Variants in CALCRL observed in about 807,000 individuals in gnomAD.
CALCRL encodes the protein calcitonin gene-related peptide type 1 receptor.
Under a neutral mutation model 60.4 loss-of-function variants are expected in CALCRL, and 27 were observed. The ratio of observed to expected loss-of-function variants is 0.45; its 90% CI spans 0.33 to 0.62. The LOEUF is 0.62. Ranked by LOEUF, CALCRL falls within the 20% of genes least tolerant of loss-of-function variation. The probability of loss-of-function intolerance (pLI) is 0.03; values close to 1 mark genes in which losing one functional copy is unlikely to be tolerated. For synonymous variants in CALCRL, 190 were observed against 182.6 expected, an observed-to-expected ratio of 1.04 and a Z score of -0.33; for missense variants, 424 against 540.7, an observed-to-expected ratio of 0.78 and a Z score of 2.14.
intron 1 of CALCRL, among the ~76,000 whole-genome samples, chr2:187,391,810 T>TA (rs1688459053): frequency 6.6e-6 from 1 of 152,010 alleles, no homozygotes; most frequent in South Asian, 2.1e-4. Context: ...CTGTGAAAAA[T>TA]AAAAATGTCT....
In CALCRL at chr2:187,398,423, A is replaced by G. The variant is rs369183760; in HGVS notation, c.-292-10667T>C. On this transcript the variant is annotated intron_variant, in intron 1 of 14. Coordinates refer to ENST00000392370, the MANE Select transcript of CALCRL (RefSeq NM_005795.6). Reference sequence around the variant, plus strand: ...TATTCTTGTTACATTGAGCTTTCCAATCATTCTCAAAATAAAATTTATATG... The same window carrying G: ...TATTCTTGTTACATTGAGCTTTCCAGTCATTCTCAAAATAAAATTTATATG... 2.6e-4 allele frequency among the ~76,000 whole-genome samples: 40 copies of G among 151,744 alleles called. No homozygotes were observed. In the South Asian group the frequency reaches 5.8e-3, roughly 22 times the overall value.
At chr2:187,444,427 G>T (rs114260125) in intron 1 of CALCRL, among the ~76,000 whole-genome samples, 1,592 of 151,398 alleles carry the variant, frequency 0.011, 22 homozygotes, top group African/African-American at 0.037. Flanking sequence ...TAATGGAAAA[G>T]GTGTATAACA....
chr2:187,415,896 C>A (rs969631166), intron 1 of CALCRL: 1 of 266,904 alleles, frequency 3.7e-6, no homozygotes, highest in Non-Finnish European at 7.1e-6. Flanking sequence ...AGAGAGAGGA[C>A]CTCATTGCTG....
At chr2:187,390,974 C>T (rs1688416376) in intron 1 of CALCRL, among the ~76,000 whole-genome samples, 1 of 152,140 alleles carries the variant, frequency 6.6e-6, no homozygotes, top group Non-Finnish European at 1.5e-5. Context: ...TGCCAGCAGA[C>T]ACGTGGTGAG....
At chr2:187,430,362 A>G (rs554784862) in intron 1 of CALCRL, among the ~76,000 whole-genome samples, 87 of 152,250 alleles carry the variant, frequency 5.7e-4, no homozygotes, top group African/African-American at 1.9e-3. Flanking sequence ...TTTAGGAGAA[A>G]ATAATTTAGT....
intron 1 of CALCRL, among the ~76,000 whole-genome samples, chr2:187,395,502 G>C (rs1203770540): frequency 6.6e-6 from 1 of 152,034 alleles, no homozygotes; most frequent in Non-Finnish European, 1.5e-5. Context: ...CACATGTACT[G>C]TCTCGTTTTC....
intron 1 of CALCRL, among the ~76,000 whole-genome samples, chr2:187,388,628 G>A (rs1377961212): frequency 6.6e-6 from 1 of 151,964 alleles, no homozygotes; most frequent in Non-Finnish European, 1.5e-5. Flanking sequence ...CTAACCTAAT[G>A]AAATGCCAAC....
chr2:187,352,146 C>T lies in CALCRL; in HGVS notation c.1096G>A (p.Asp366Asn). 1 of 1,612,240 alleles carries T rather than the reference C, an allele frequency of 6.2e-7. No homozygotes were observed. The highest frequency in any genetic ancestry group is 1.7e-5 in the Admixed American group (1 of 59,822). The change falls in exon 13 of 15, where the codon GAC (aspartate) becomes AAC (asparagine). Residue 366 changes from aspartate to asparagine, a missense_variant. By Grantham distance (23) the Asp-to-Asn change is conservative. Transcript: ENST00000392370. The part of the protein sequence containing the change: ...PEGKIAEEVY[D>N]YIMHILMHFQ... ...TGCATAAGGATGTGCATGATGTAGT[C>T]ATATACCTCCTCTGCAATCTTTCCT...
At chr2:187,431,673 G>A (rs1183170949) in intron 1 of CALCRL, among the ~76,000 whole-genome samples, 3 of 151,966 alleles carry the variant, frequency 2.0e-5, no homozygotes, top group Admixed American at 6.6e-5. Flanking sequence ...TTGGCCCTAG[G>A]AAGATGTGTA....
intron 12 of CALCRL, among the ~76,000 whole-genome samples, chr2:187,357,236 A>C (rs1427038054): frequency 2.6e-5 from 4 of 152,124 alleles, no homozygotes; most frequent in Non-Finnish European, 4.4e-5. Context: ...TCACAATAGC[A>C]AAGACTTGAA....
intron 1 of CALCRL, among the ~76,000 whole-genome samples, chr2:187,430,731 A>C (rs143048468): frequency 8.5e-5 from 13 of 152,210 alleles, no homozygotes; most frequent in African/African-American, 3.1e-4. Context: ...TAAGGTTATC[A>C]TCTTATGTTC....
chr2:187,425,142 ACT>A (rs1379135902), intron 1 of CALCRL, among the ~76,000 whole-genome samples: 1 of 151,718 alleles, frequency 6.6e-6, no homozygotes, highest in Non-Finnish European at 1.5e-5. Context: ...CTCTTCAGAT[ACT>A]CTCTATTTAA....
At chr2:187,386,812 G>A (rs894618657) in intron 3 of CALCRL, among the ~76,000 whole-genome samples, 2 of 152,146 alleles carry the variant, frequency 1.3e-5, no homozygotes, top group African/African-American at 4.8e-5. Flanking sequence ...GAATCATGGA[G>A]GTGGGTCTTT....
rs370387256 is a variant in CALCRL, at chr2:187,442,070, T to TTATA, written c.-293+5965_-293+5968dup. The TTATA allele has an allele frequency of 5.3e-3, 680 of 127,264 alleles. 3 individuals are homozygous for TTATA. The highest frequency in any genetic ancestry group is 0.016 in the African/African-American group (511 of 32,718). The allele number at this position is 127,264 out of a possible 1,614,324, so 7.9% of individuals were successfully genotyped here. On this transcript the variant is annotated intron_variant, in intron 1 of 14. Coordinates refer to ENST00000392370, the MANE Select transcript of CALCRL (RefSeq NM_005795.6). The stretch of plus-strand genomic sequence containing the variant: ...AAGTATCTGAGGTGGCTTAAAAACA[T>TTATA]TATATATATATATATATATATATAT...
rs370205962 is a variant in CALCRL, at chr2:187,379,279, A to T, written c.409-248T>A. ...CTTTTTATTTTTTTAATAATTTTTT[A>T]AAAAATTAGAAGTCAAATATTAAAT... On this transcript the variant is annotated intron_variant, in intron 7 of 14. Transcript: ENST00000392370. Among the ~76,000 whole-genome samples the T allele has an allele frequency of 3.3e-4, 50 of 152,184 alleles. 1 individual carries two copies. Among genetic ancestry groups the T allele is most frequent in the African/African-American group, 9.4e-4 (39 of 41,560 alleles).
At chr2:187,435,579 A>C (rs1479705282) in intron 1 of CALCRL, among the ~76,000 whole-genome samples, 1 of 152,144 alleles carries the variant, frequency 6.6e-6, no homozygotes, top group African/African-American at 2.4e-5. Flanking sequence ...TCTTAATTAT[A>C]AAGGTTTTTG....
intron 12 of CALCRL, among the ~76,000 whole-genome samples, chr2:187,356,827 C>G (rs1279761953): frequency 6.6e-6 from 1 of 152,018 alleles, no homozygotes; most frequent in African/African-American, 2.4e-5. Flanking sequence ...TCAACGCCAT[C>G]AAAAAGTGGG....
At chr2:187,443,501 C>T (rs766371973) in intron 1 of CALCRL, among the ~76,000 whole-genome samples, 10 of 151,582 alleles carry the variant, frequency 6.6e-5, no homozygotes, top group African/African-American at 1.9e-4. Flanking sequence ...AAATCCAAAG[C>T]GCATCACAGT....
intron 9 of CALCRL, among the ~76,000 whole-genome samples, chr2:187,362,667 T>G (rs886527935): frequency 1.9e-4 from 29 of 152,242 alleles, no homozygotes; most frequent in African/African-American, 6.3e-4. Context: ...TGTATGCAGA[T>G]ATTTTAATTT....
Sources: gnomAD v4.1 joint callset for allele counts (sites outside exome capture counted in the v4.1 genomes callset) on GRCh38, gnomAD v4.1.1 for gene constraint, MANE v1.5 for transcripts, NCBI Gene and HGNC (gene_info 2026-07-23, HGNC 2026-07-21) for gene names.